The following GBP4 variants were observed in gnomAD, a reference collection of about 807,000 sequenced individuals.
GBP4 encodes guanylate binding protein 4.
In GBP4, 69 loss-of-function variants were observed where a neutral mutation model predicts 62.2. The ratio of observed to expected loss-of-function variants is 1.11; its 90% CI spans 0.91 to 1.36. The LOEUF is 1.36. Among genes scored for constraint, GBP4 ranks in the 40% most tolerant of loss-of-function variants. The pLI is 0.00. For missense variants in GBP4, 697 were observed against 759.3 expected (o/e 0.92, Z 0.96); for synonymous variants, 278 against 274.6 (o/e 1.01, Z -0.12).
chr1:89,190,310 T>C lies in GBP4; in HGVS notation c.925A>G (p.Thr309Ala). Reference protein sequence around the residue: ...GIIVTGKRLGTLVVTYVDAIN... With the variant: ...GIIVTGKRLGALVVTYVDAIN... ...GCATCTACATAAGTCACCACCAGAG[T>C]CCCCAGCCCTGAATCACATATATTT... Residue 309 changes from threonine to alanine, a missense_variant, in exon 7 of 11, where the codon ACT becomes GCT. Around this residue, in one of 2 missense-constraint regions of GBP4, gnomAD observed 556 missense variants for 562.7 expected, o/e 0.99. Coordinates refer to ENST00000355754, the MANE Select transcript of GBP4 (RefSeq NM_052941.5). The C allele has an allele frequency of 2.5e-6, 4 of 1,599,412 alleles. No homozygotes were observed. The highest frequency in any genetic ancestry group is 2.2e-5 in the East Asian group (1 of 44,500).
intron 3 of GBP4, 120 bp from the exon 4 acceptor site, chr1:89,193,532 T>C (rs1570376849): frequency 1.2e-6 from 1 of 812,674 alleles, no homozygotes. Flanking sequence ...AAATAACAAA[T>C]TTTGAAGCCA....
rs765933136 is a variant in GBP4, at chr1:89,188,736, T to C, written c.1256A>G (p.Lys419Arg). ...CCGCTTAAGCTCAGCCTGGCAATATTTGGCAGATGCCTCTTCATTCTGCAG... is the reference window on the plus strand; with the variant it reads ...CCGCTTAAGCTCAGCCTGGCAATATCTGGCAGATGCCTCTTCATTCTGCAG... ...FVLQNEEASA[K>R]YCQAELKRLS... Residue 419 changes from lysine (K) to arginine (R), a missense_variant, in exon 8 of 11, where the codon AAA becomes AGA. Around this residue, in one of 2 missense-constraint regions of GBP4, gnomAD observed 556 missense variants for 562.7 expected, o/e 0.99. Coordinates refer to ENST00000355754, the MANE Select transcript of GBP4 (RefSeq NM_052941.5). 2 of 1,614,246 alleles carry C rather than the reference T, an allele frequency of 1.2e-6. No individual in the cohort carries two copies. Among genetic ancestry groups the C allele is most frequent in the Non-Finnish European group, 1.7e-6 (2 of 1,180,042 alleles).
At position 89,193,067 on chromosome 1, in the gene GBP4, T is replaced by C; in HGVS notation, c.507A>G (p.Ala169=). 6.2e-7 allele frequency: 1 copy of C among 1,614,238 alleles called. No homozygotes were observed. Among genetic ancestry groups the C allele is most frequent in the South Asian group, 1.1e-5 (1 of 91,084 alleles). Residue 169 remains alanine, a synonymous_variant, in exon 5 of 11, where the codon GCA becomes GCG. Transcript: ENST00000355754. ...CTTCATCAGGTCTGGGGCAGGATTT[T>C]GCCCTGATTAGCTCTGCTAGCTCAG... ...YVTELAELIR[A]KSCPRPDEAE... is the part of the protein sequence containing the mutation.
In GBP4 at chr1:89,187,004, T is replaced by G. The variant is rs1456565156; in HGVS notation, c.1509A>C (p.Ile503=). ...DKALTAGEKA[I]AAERAMKEAA... is the part of the protein sequence containing the mutation. ...AGCTGAGCCCTGCCCCTGTACCTGC[T>G]ATGGCCTTCTCTCCAGCAGTGAGGG... is the stretch of plus-strand genomic sequence containing the variant. Residue 503 remains isoleucine (I), a synonymous_variant, in exon 9 of 11, where the codon ATA becomes ATC. Coordinates refer to ENST00000355754, the MANE Select transcript of GBP4 (RefSeq NM_052941.5). 3.7e-6 allele frequency: 6 copies of G among 1,613,790 alleles called. No homozygotes were observed. In the African/African-American group the frequency reaches 4.0e-5, roughly 11 times the overall value.
At chr1:89,188,515 T>G (rs1473769890) in intron 8 of GBP4, 67 bp downstream of exon 8, 1 of 1,304,386 alleles carries the variant, frequency 7.7e-7, no homozygotes, top group East Asian at 2.3e-5. Context: ...TCTTAGATTT[T>G]CAGAAGGGGC....
In GBP4 at chr1:89,188,806, A is replaced by G. The variant is rs1355486023; in HGVS notation, c.1198-12T>C. On this transcript the variant is annotated splice_polypyrimidine_tract_variant and intron_variant, in intron 7 of 10. Transcript: ENST00000355754. ...TTCTCTATGGTGTCCTGCCAGAAAA[A>G]TGTAGAGAAAACAGTAGAAAGAAGC... 3 of 1,613,616 alleles carry G rather than the reference A, an allele frequency of 1.9e-6. No individual in the cohort carries two copies. Among genetic ancestry groups the G allele is most frequent in the Admixed American group, 3.3e-5 (2 of 59,978 alleles).
chr1:89,190,343 A>T, intron 6 of GBP4, 25 bp from the exon 7 acceptor site: 1 of 1,552,666 alleles, frequency 6.4e-7, no homozygotes, highest in Non-Finnish European at 8.7e-7. Flanking sequence ...TTTAGGGAAA[A>T]TTTACAGTTC....
intron 1 of GBP4, among the ~76,000 whole-genome samples, chr1:89,198,479 A>G (rs992792510): frequency 2.0e-5 from 3 of 152,074 alleles, no homozygotes; most frequent in Admixed American, 6.5e-5. Flanking sequence ...GTGTATATGT[A>G]TACTAGATGA....
Position 89,198,840 on chromosome 1 carries a change from T to C in GBP4, c.-6A>G. The C allele has an allele frequency of 6.2e-7, 1 of 1,613,782 alleles. No individual in the cohort carries two copies. Among genetic ancestry groups the C allele is most frequent in the Non-Finnish European group, 8.5e-7 (1 of 1,179,638 alleles). On this transcript the variant is annotated 5_prime_UTR_variant, in exon 1 of 11. Coordinates refer to ENST00000355754, the MANE Select transcript of GBP4 (RefSeq NM_052941.5). ...TGAAGAGTTCTCTCACCCATTGCTCTGTCCTCCTGCGCCTGGATCCTCGAG... is the reference window on the plus strand; with the variant it reads ...TGAAGAGTTCTCTCACCCATTGCTCCGTCCTCCTGCGCCTGGATCCTCGAG...
Position 89,185,135 on chromosome 1 carries a change from T to A in GBP4, c.*119A>T. On this transcript the variant is annotated 3_prime_UTR_variant, in exon 11 of 11. Transcript: ENST00000355754. Reference sequence around the variant, plus strand: ...TTCTTTGATAATCACTTTTTAATTTTAAACTTTTCTTGAATGAAACTGCTA... The same window carrying A: ...TTCTTTGATAATCACTTTTTAATTTAAAACTTTTCTTGAATGAAACTGCTA... 1.7e-6 allele frequency: 1 copy of A among 585,722 alleles called. No individual in the cohort carries two copies. Among genetic ancestry groups the A allele is most frequent in the South Asian group, 3.0e-5 (1 of 32,962 alleles). The allele number at this position is 585,722 out of a possible 1,614,324, so 36.3% of individuals were successfully genotyped here.
rs751923945 is a variant in GBP4, at chr1:89,188,587, C to T, written c.1405G>A (p.Val469Ile). 12 of 1,613,268 alleles carry T rather than the reference C, an allele frequency of 7.4e-6. No individual in the cohort carries two copies. Among genetic ancestry groups the T allele is most frequent in the Non-Finnish European group, 9.3e-6 (11 of 1,179,280 alleles). ...WDYKLVPRKG[V>I]KANEVLQNFL... ...CCCATTCCCCTTTTCCTCACCTTAA[C>T]TCCTTTTCTGGGCACTAGCTTATAG... The change falls in exon 8 of 11, where the codon GTT (valine) becomes ATT (isoleucine). Residue 469 changes from valine to isoleucine, a missense_variant. By Grantham distance (29) the Val-to-Ile change is conservative (BLOSUM62 3). Transcript: ENST00000355754.
chr1:89,194,278 T>A (rs1201606272), intron 3 of GBP4, among the ~76,000 whole-genome samples: 5 of 152,180 alleles, frequency 3.3e-5, no homozygotes, highest in Admixed American at 6.5e-5. Flanking sequence ...AAAGGGTTTT[T>A]AAAAAAATTT....
chr1:89,182,410 T>G lies in GBP4; in HGVS notation c.*2844A>C, dbSNP rs1647907566. The stretch of plus-strand genomic sequence containing the variant: ...GTCAGAGAGAAACAGAACAAGGCAG[T>G]GAGTTTCCAAATGTTCTTCTATACA... On this transcript the variant is annotated 3_prime_UTR_variant, in exon 11 of 11. Transcript: ENST00000355754. 6.6e-6 allele frequency: 1 copy of G among 151,798 alleles called. No individual in the cohort carries two copies. 9.4% of individuals were successfully genotyped at this position (151,798 alleles called of 1,614,324 possible). A position where few individuals can be genotyped will look rare whatever the true frequency, so the allele number is the denominator to read the frequency against.
chr1:89,193,495 A>C (rs1325283930), intron 3 of GBP4, 83 bp from the exon 4 acceptor site: 2 of 1,242,948 alleles, frequency 1.6e-6, no homozygotes, highest in Non-Finnish European at 2.3e-6. Context: ...TAGCTATTTC[A>C]GCTGTATGAT....
chr1:89,184,831 A>G lies in GBP4; in HGVS notation c.*423T>C, dbSNP rs1647986028. On this transcript the variant is annotated 3_prime_UTR_variant, in exon 11 of 11. Transcript: ENST00000355754. ...GTTTACCTATGTAACAAACCTGCAC[A>G]TATACCCCTGAATCTAAAATAAAAG... The G allele has an allele frequency of 6.4e-6, 1 of 155,630 alleles. No individual in the cohort carries two copies. The highest frequency in any genetic ancestry group is 2.4e-5 in the African/African-American group (1 of 41,496). The allele number at this position is 155,630 out of a possible 1,614,324, so 9.6% of individuals were successfully genotyped here. A position where few individuals can be genotyped will look rare whatever the true frequency, so the allele number is the denominator to read the frequency against.
rs916134639 is a variant in GBP4, at chr1:89,185,219, C to T, written c.*35G>A. 1 of 1,244,546 alleles carries T rather than the reference C, an allele frequency of 8.0e-7. No homozygotes were observed. The highest frequency in any genetic ancestry group is 1.5e-5 in the African/African-American group (1 of 67,238). The allele number at this position is 1,244,546 out of a possible 1,614,324, so 77.1% of individuals were successfully genotyped here. Reference sequence around the variant, plus strand: ...TATGTTATTAAAATAAAATAAACCTCATTTTATATTTTCTTACCTGGAATA... The same window carrying T: ...TATGTTATTAAAATAAAATAAACCTTATTTTATATTTTCTTACCTGGAATA... On this transcript the variant is annotated 3_prime_UTR_variant, in exon 11 of 11. Coordinates refer to ENST00000355754, the MANE Select transcript of GBP4 (RefSeq NM_052941.5).
intron 6 of GBP4, among the ~76,000 whole-genome samples, chr1:89,191,030 TTG>T (rs1395045351): frequency 2.0e-5 from 3 of 152,178 alleles, no homozygotes; most frequent in Admixed American, 2.0e-4. Flanking sequence ...CCTTAGGAGT[TTG>T]TGTTTATGCC....
rs1570372639 is a variant in GBP4 at position 89,186,995 on chromosome 1, T to C, written c.1513+5A>G. On this transcript the variant is annotated splice_donor_5th_base_variant and intron_variant, in intron 9 of 10. Transcript: ENST00000355754. ...CCCTCTGATAGCTGAGCCCTGCCCC[T>C]GTACCTGCTATGGCCTTCTCTCCAG... The C allele has an allele frequency of 6.2e-7, 1 of 1,613,512 alleles. No individual in the cohort carries two copies. The highest frequency in any genetic ancestry group is 1.3e-5 in the African/African-American group (1 of 75,028).
intron 6 of GBP4, 83 bp from the exon 7 acceptor site, chr1:89,190,401 C>T: frequency 7.9e-7 from 1 of 1,258,104 alleles, no homozygotes; most frequent in Non-Finnish European, 1.1e-6. Context: ...CTAAAAATTA[C>T]AAAAATTCTA....
Sources: allele counts gnomAD v4.1 joint callset (sites outside exome capture counted in the v4.1 genomes callset), GRCh38; gene constraint gnomAD v4.1.1; regional missense constraint gnomAD v4.1.1; transcripts MANE v1.5; gene names NCBI Gene and HGNC (gene_info 2026-07-23, HGNC 2026-07-21).